The following SLC6A13 variants were observed in gnomAD, a reference collection of about 807,000 sequenced individuals.
SLC6A13 encodes solute carrier family 6 member 13.
In SLC6A13, 69 loss-of-function variants were observed where a neutral mutation model predicts 72.9. That is an observed-to-expected ratio of 0.95 (90% CI 0.78 to 1.16). The LOEUF is 1.16. Among genes scored for constraint, SLC6A13 ranks in the 50% most tolerant of loss-of-function variants. SLC6A13 has a pLI of 0.00. For synonymous variants in SLC6A13, 303 were observed against 303.0 expected (o/e 1.00, Z 0.00); for missense variants, 735 against 760.5 (o/e 0.97, Z 0.39).
intron 7 of SLC6A13, among the ~76,000 whole-genome samples, 161 bp downstream of exon 7, chr12:234,929 G>T (rs554107374): frequency 6.6e-6 from 1 of 152,196 alleles, no homozygotes; most frequent in Non-Finnish European, 1.5e-5. Context: ...CCCCTTTCCG[G>T]CAACAAACAG....
At chr12:239,360 G>A (rs537117) in intron 4 of SLC6A13, among the ~76,000 whole-genome samples, 3,868 of 135,470 alleles carry the variant, frequency 0.029, 139 homozygotes, top group African/African-American at 0.092. Flanking sequence ...ACGTCCACCC[G>A]GTTCCCTGCA....
intron 3 of SLC6A13, among the ~76,000 whole-genome samples, chr12:243,416 T>C (rs1201745693): frequency 2.0e-5 from 3 of 152,258 alleles, no homozygotes; most frequent in South Asian, 2.1e-4. Flanking sequence ...AACATTGTTA[T>C]GTGTTTAAAA....
At chr12:256,709 C>T (rs900815453) in intron 2 of SLC6A13, 5 of 152,152 alleles carry the variant, frequency 3.3e-5, no homozygotes, top group Non-Finnish European at 7.4e-5. Context: ...CTGAGGACTT[C>T]TTCATCCCTG....
At chr12:238,435 G>A in intron 4 of SLC6A13, 2 of 789,140 alleles carry the variant, frequency 2.5e-6, no homozygotes, top group Non-Finnish European at 3.8e-6. Context: ...CCACGGGTAT[G>A]AACTGTGCAG....
In SLC6A13 at chr12:225,107, C is replaced by T. The variant is rs550510557; in HGVS notation, c.1061-594G>A. Among the ~76,000 whole-genome samples, 11 of 152,356 alleles carry T rather than the reference C, an allele frequency of 7.2e-5. 1 individual carries two copies. Among genetic ancestry groups the T allele is most frequent in the Middle Eastern group, 3.4e-3 (1 of 294 alleles). ...ATGCCGCTGACACACGCCCTCGCGG[C>T]GCGTGAATGTTTCTCTCGACTGACT... On this transcript the variant is annotated intron_variant, in intron 9 of 14. Coordinates refer to ENST00000343164, the MANE Select transcript of SLC6A13 (RefSeq NM_016615.5).
chr12:240,367 C>T (rs368907696), intron 4 of SLC6A13, among the ~76,000 whole-genome samples: 5 of 152,042 alleles, frequency 3.3e-5, no homozygotes, highest in Non-Finnish European at 5.9e-5. Flanking sequence ...CCACCCCTGG[C>T]AAATTTTTTG....
Position 226,523 on chromosome 12 carries a change from CA to C in SLC6A13, c.936-10del. ...AGAGGGCGATGCAGTCCCTGTGGGG[CA>C]GGGGTGAGGAGAGGGCGGAATGGCA... On this transcript the variant is annotated splice_polypyrimidine_tract_variant and intron_variant, in intron 8 of 14. Transcript: ENST00000343164. 6.2e-7 allele frequency: 1 copy of C among 1,613,092 alleles called. No individual in the cohort carries two copies. The highest frequency in any genetic ancestry group is 8.5e-7 in the Non-Finnish European group (1 of 1,179,422).
intron 4 of SLC6A13, among the ~76,000 whole-genome samples, chr12:241,965 C>T (rs913749792): frequency 6.6e-5 from 10 of 152,200 alleles, no homozygotes; most frequent in Non-Finnish European, 1.3e-4. Context: ...TACACAAATA[C>T]TTACCATCGT....
intron 8 of SLC6A13, among the ~76,000 whole-genome samples, chr12:227,218 T>A (rs1941496452): frequency 6.6e-6 from 1 of 152,062 alleles, no homozygotes; most frequent in Non-Finnish European, 1.5e-5. Context: ...TTTTCTCTCA[T>A]CAAAGTTATA....
At chr12:230,898 G>T (rs1035157171) in intron 7 of SLC6A13, among the ~76,000 whole-genome samples, 20 of 152,206 alleles carry the variant, frequency 1.3e-4, no homozygotes, top group African/African-American at 4.8e-4. Flanking sequence ...ATTTTAAAAA[G>T]CAACTCATCT....
At chr12:236,145 G>T (rs554955754) in intron 6 of SLC6A13, among the ~76,000 whole-genome samples, 3 of 152,206 alleles carry the variant, frequency 2.0e-5, no homozygotes, top group Admixed American at 2.0e-4. Context: ...TTCTGCTTTT[G>T]CCCTTTGTCC....
intron 4 of SLC6A13, among the ~76,000 whole-genome samples, chr12:239,392 C>T (rs190115585): frequency 2.6e-5 from 4 of 152,034 alleles, no homozygotes; most frequent in Admixed American, 2.0e-4. Flanking sequence ...TGTTAGATGC[C>T]GTGCCTCCTC....
chr12:261,343 C>T lies in SLC6A13; in HGVS notation c.-5-1286G>A, dbSNP rs146386992. 1.1e-4 allele frequency among the ~76,000 whole-genome samples: 17 copies of T among 152,306 alleles called. No individual in the cohort carries two copies. The East Asian group carries it at 1.3e-3, about 12-fold the overall frequency. On this transcript the variant is annotated intron_variant, in intron 1 of 14. Transcript: ENST00000343164. ...TCAGAGAGGTTAAATAATGTGACTGCTGCTGCCATATAGCTACTAACTTGC... is the reference window on the plus strand; with the variant it reads ...TCAGAGAGGTTAAATAATGTGACTGTTGCTGCCATATAGCTACTAACTTGC...
rs781134724 is a variant in SLC6A13 at position 224,044 on chromosome 12, A to G, written c.1259T>C (p.Ile420Thr). ...FRKKNRREVL[I>T]LGVSVVSFLV... ...GAAGGAGACGACAGATACTCCAAGG[A>G]TGAGGACTTCCCTCCGGTTCTTCTT... The change falls in exon 11 of 15, where the codon ATC becomes ACC. Residue 420 changes from isoleucine to threonine, a missense_variant. Physicochemically the swap from Ile to Thr is moderately conservative, Grantham distance 89. Transcript: ENST00000343164. The G allele has an allele frequency of 1.2e-6, 2 of 1,613,930 alleles. No homozygotes were observed. The highest frequency in any genetic ancestry group is 1.7e-6 in the Non-Finnish European group (2 of 1,179,960).
rs76367884 is a variant in SLC6A13, at chr12:254,755, T to C, written c.202+5096A>G. ...CAGATCTCTCTCACAAACCCCAAAC[T>C]CACATTCTATTGCCCAGTTGCCATT... On this transcript the variant is annotated intron_variant, in intron 2 of 14. Coordinates refer to ENST00000343164, the MANE Select transcript of SLC6A13 (RefSeq NM_016615.5). The surrounding 1 kb of genome is among the most constrained non-coding windows in gnomAD (Gnocchi z 4.4). Among the ~76,000 whole-genome samples, 373 of 152,244 alleles carry C rather than the reference T, an allele frequency of 2.5e-3. 4 individuals are homozygous for C. The highest frequency in any genetic ancestry group is 8.5e-3 in the African/African-American group (352 of 41,548).
chr12:227,555 C>G lies in SLC6A13; in HGVS notation c.935+10G>C. 1 of 1,613,758 alleles carries G rather than the reference C, an allele frequency of 6.2e-7. No homozygotes were observed. The highest frequency in any genetic ancestry group is 8.5e-7 in the Non-Finnish European group (1 of 1,179,876). ...CAGGTGTGTGGCTCAGGCCCCACGCCCCCAATCACCTGTAGCAGTTGTTGT... is the reference window on the plus strand; with the variant it reads ...CAGGTGTGTGGCTCAGGCCCCACGCGCCCAATCACCTGTAGCAGTTGTTGT... On this transcript the variant is annotated intron_variant, in intron 8 of 14. Coordinates refer to ENST00000343164, the MANE Select transcript of SLC6A13 (RefSeq NM_016615.5).
chr12:232,265 C>T (rs148221459), intron 7 of SLC6A13, among the ~76,000 whole-genome samples: 6 of 152,320 alleles, frequency 3.9e-5, no homozygotes, highest in East Asian at 1.9e-4. Flanking sequence ...CCTTCCTCTC[C>T]GGCCTACCCG....
chr12:227,291 G>C (rs1212856179), intron 8 of SLC6A13, among the ~76,000 whole-genome samples: 1 of 152,148 alleles, frequency 6.6e-6, no homozygotes, highest in African/African-American at 2.4e-5. Context: ...GCACTCCTGA[G>C]CCCACTAACC....
In SLC6A13 at chr12:224,441, C is replaced by T. The variant is rs1218972116; in HGVS notation, c.1133G>A (p.Cys378Tyr). 3.7e-6 allele frequency: 6 copies of T among 1,614,088 alleles called. No individual in the cohort carries two copies. The highest frequency in any genetic ancestry group is 5.1e-6 in the Non-Finnish European group (6 of 1,180,046). The change falls in exon 10 of 15, where the codon TGT becomes TAT. Residue 378 changes from cysteine to tyrosine, a missense_variant. By Grantham distance (194) the Cys-to-Tyr change is radical. Coordinates refer to ENST00000343164, the MANE Select transcript of SLC6A13 (RefSeq NM_016615.5). ...MLPFSPLWAC[C>Y]FFFMVVLLGL... ...CAGGAGAACGACCATGAAGAAGAAACAGCAGGCCCAGAGAGGAGAGAAGGG... is the reference window on the plus strand; with the variant it reads ...CAGGAGAACGACCATGAAGAAGAAATAGCAGGCCCAGAGAGGAGAGAAGGG...
Sources: gnomAD v4.1 joint callset for allele counts (sites outside exome capture counted in the v4.1 genomes callset) on GRCh38, gnomAD v4.1.1 for gene constraint, Gnocchi (gnomAD v3.1) non-coding constraint, MANE v1.5 for transcripts, NCBI Gene and HGNC (gene_info 2026-07-23, HGNC 2026-07-21) for gene names.